Variants in KHDRBS2 observed in about 807,000 individuals in gnomAD.
The protein encoded by KHDRBS2 is KH RNA binding domain containing, signal transduction associated 2, also known as KH domain-containing, RNA-binding, signal transduction-associated protein 2.
A neutral mutation model predicts 44.3 loss-of-function variants in KHDRBS2; 26 were observed. The ratio of observed to expected loss-of-function variants is 0.59; its 90% CI spans 0.43 to 0.81. The LOEUF (loss-of-function observed/expected upper bound fraction) is 0.81, where lower values mean the gene tolerates loss of function less well. Among genes scored for constraint, KHDRBS2 ranks in the 40% least tolerant of loss-of-function variants. The pLI, the probability that KHDRBS2 is intolerant of heterozygous loss-of-function variation, is 0.00. For synonymous variants in KHDRBS2, 194 were observed against 151.1 expected (o/e 1.28, Z -2.08); for missense variants, 476 against 433.1 (o/e 1.10, Z -0.88).
At chr6:61,966,746 G>C (rs183582288) in intron 4 of KHDRBS2, among the ~76,000 whole-genome samples, 1 of 151,986 alleles carries the variant, frequency 6.6e-6, no homozygotes, top group Non-Finnish European at 1.5e-5. Context: ...CGGGTTTTGA[G>C]AGTCTTAAGC....
intron 2 of KHDRBS2, among the ~76,000 whole-genome samples, chr6:62,065,930 C>T (rs931787093): frequency 2.0e-5 from 3 of 151,594 alleles, no homozygotes; most frequent in East Asian, 2.0e-4. Context: ...ATTTACTATG[C>T]TTCTGCATTG....
chr6:61,866,717 A>C (rs62414689), intron 6 of KHDRBS2, among the ~76,000 whole-genome samples: 25,447 of 152,178 alleles, frequency 0.17, 2,262 homozygotes, highest in Non-Finnish European at 0.2. Context: ...TCACATCTTG[A>C]ATGCTTTGCT....
At chr6:61,770,020 C>A (rs186629238) in intron 6 of KHDRBS2, among the ~76,000 whole-genome samples, 1 of 152,134 alleles carries the variant, frequency 6.6e-6, no homozygotes, top group Non-Finnish European at 1.5e-5. Context: ...GCAGCATCTG[C>A]GGTTCACCAA....
chr6:62,134,107 G>C (rs1302276709), intron 2 of KHDRBS2, among the ~76,000 whole-genome samples: 1 of 152,156 alleles, frequency 6.6e-6, no homozygotes, highest in Non-Finnish European at 1.5e-5. Context: ...AGACAATCCA[G>C]GGCTTGTCAG....
chr6:62,046,547 AT>A (rs1787739279), intron 3 of KHDRBS2, among the ~76,000 whole-genome samples: 1 of 151,956 alleles, frequency 6.6e-6, no homozygotes, highest in South Asian at 2.1e-4. Flanking sequence ...GAAGTTTATA[AT>A]ATAACAGTAT....
intron 3 of KHDRBS2, among the ~76,000 whole-genome samples, chr6:62,034,714 A>AC (rs1784963952): frequency 6.6e-6 from 1 of 151,218 alleles, no homozygotes; most frequent in Admixed American, 6.6e-5. Flanking sequence ...AAAAAAAAAA[A>AC]AACCTTTCTC....
chr6:61,636,369 C>T, the KHDRBS2 span, among the ~76,000 whole-genome samples: 21 of 152,180 alleles, frequency 1.4e-4, no homozygotes, highest in African/African-American at 4.1e-4. Context: ...TTTGTCTCCC[C>T]ATCTGGAGTT....
At chr6:61,797,949 C>G (rs1206013292) in intron 6 of KHDRBS2, among the ~76,000 whole-genome samples, 1 of 151,772 alleles carries the variant, frequency 6.6e-6, no homozygotes, top group Non-Finnish European at 1.5e-5. Context: ...GTTTAGTATA[C>G]AAATGATTTT....
chr6:61,871,797 G>A (rs1305824410), intron 6 of KHDRBS2, among the ~76,000 whole-genome samples: 1 of 152,172 alleles, frequency 6.6e-6, no homozygotes, highest in Non-Finnish European at 1.5e-5. Flanking sequence ...TTACAGAAAA[G>A]CAAATGAGGA....
Position 62,029,521 on chromosome 6 carries a change from T to C in KHDRBS2, c.336+18357A>G, listed in dbSNP as rs931451473. Among the ~76,000 whole-genome samples, 77 of 151,940 alleles carry C rather than the reference T, an allele frequency of 5.1e-4. 1 individual carries two copies. The highest frequency in any genetic ancestry group is 1.5e-4 in the Non-Finnish European group (10 of 67,906). Reference sequence around the variant, plus strand: ...AAGTAACATTATCAGGAAACATAGCTAGGTTTACGAATTCATTTTTAATTC... The same window carrying C: ...AAGTAACATTATCAGGAAACATAGCCAGGTTTACGAATTCATTTTTAATTC... On this transcript the variant is annotated intron_variant, in intron 3 of 8. Coordinates refer to ENST00000281156, the MANE Select transcript of KHDRBS2 (RefSeq NM_152688.4).
chr6:61,555,087 C>T, the KHDRBS2 span, among the ~76,000 whole-genome samples: 20 of 152,090 alleles, frequency 1.3e-4, no homozygotes, highest in Admixed American at 1.2e-3. Context: ...GAATAATAAC[C>T]TGAAATATGT....
chr6:61,593,151 G>A, the KHDRBS2 span, among the ~76,000 whole-genome samples: 4 of 152,314 alleles, frequency 2.6e-5, no homozygotes, highest in African/African-American at 9.6e-5. Context: ...TGTAATTTCA[G>A]TCAAGTGTTC....
intron 2 of KHDRBS2, among the ~76,000 whole-genome samples, chr6:62,170,817 C>G (rs1214767454): frequency 6.6e-6 from 1 of 152,110 alleles, no homozygotes; most frequent in African/African-American, 2.4e-5. Context: ...TACCAGCCCA[C>G]TCAAGGTAAG....
chr6:62,246,472 G>T (rs1835593902), intron 1 of KHDRBS2, among the ~76,000 whole-genome samples: 1 of 151,908 alleles, frequency 6.6e-6, no homozygotes, highest in Non-Finnish European at 1.5e-5. Context: ...AGACAGGGAG[G>T]CTATATAACC....
chr6:61,715,590 T>G (rs575460927), intron 7 of KHDRBS2, among the ~76,000 whole-genome samples: 1 of 152,132 alleles, frequency 6.6e-6, no homozygotes, highest in East Asian at 1.9e-4. Context: ...CTGAGAAGCC[T>G]TGTAATACTT....
chr6:62,164,175 T>C (rs1818211827), intron 2 of KHDRBS2, among the ~76,000 whole-genome samples: 1 of 151,930 alleles, frequency 6.6e-6, no homozygotes, highest in Non-Finnish European at 1.5e-5. Context: ...AACTATATGA[T>C]GTAATGAGAT....
At chr6:62,042,410 C>G (rs76618638) in intron 3 of KHDRBS2, among the ~76,000 whole-genome samples, 1 of 152,004 alleles carries the variant, frequency 6.6e-6, no homozygotes, top group Non-Finnish European at 1.5e-5. Flanking sequence ...ATCTACTGTG[C>G]AGTTCATTAG....
At chr6:62,246,171 A>G (rs1463294006) in intron 1 of KHDRBS2, among the ~76,000 whole-genome samples, 1 of 148,276 alleles carries the variant, frequency 6.7e-6, no homozygotes, top group East Asian at 2.0e-4. Context: ...AGCTAGTGCT[A>G]ACCTTGTTTT....
intron 4 of KHDRBS2, among the ~76,000 whole-genome samples, chr6:61,924,806 AAT>A (rs1192206852): frequency 1.3e-5 from 2 of 152,012 alleles, no homozygotes; most frequent in Non-Finnish European, 2.9e-5. Context: ...TTTCCAAATA[AAT>A]ATGTTTTAAT....
Sources: allele counts gnomAD v4.1 joint callset (sites outside exome capture counted in the v4.1 genomes callset), GRCh38; gene constraint gnomAD v4.1.1; transcripts MANE v1.5; gene names NCBI Gene and HGNC (gene_info 2026-07-23, HGNC 2026-07-21).